Variants in PDLIM5 observed in about 807,000 individuals in gnomAD.
PDLIM5 encodes the protein PDZ and LIM domain 5, also known as PDZ and LIM domain protein 5.
Under a neutral mutation model 64.2 loss-of-function variants are expected in PDLIM5, and 34 were observed. The ratio of observed to expected loss-of-function variants is 0.53; its 90% CI spans 0.40 to 0.71. The LOEUF (loss-of-function observed/expected upper bound fraction) is 0.71. PDLIM5 is among the 30% of genes least tolerant of loss of function. The pLI is 0.00. For synonymous variants in PDLIM5, 253 were observed against 269.1 expected, an observed-to-expected ratio of 0.94 and a Z score of 0.59; for missense variants, 683 against 733.6, an observed-to-expected ratio of 0.93 and a Z score of 0.80.
intron 3 of PDLIM5, among the ~76,000 whole-genome samples, chr4:94,527,643 A>G (rs1730494810): frequency 6.6e-6 from 1 of 152,218 alleles, no homozygotes; most frequent in African/African-American, 2.4e-5. Flanking sequence ...GAAGCAGAAG[A>G]AACTGAGATG....
chr4:94,663,121 G>T (rs917975864), intron 12 of PDLIM5, among the ~76,000 whole-genome samples: 1 of 152,154 alleles, frequency 6.6e-6, no homozygotes, highest in Admixed American at 6.5e-5. Flanking sequence ...GTTTTTAAAT[G>T]TAGGAAGTAA....
At chr4:94,642,405 C>A (rs1055108886) in intron 9 of PDLIM5, among the ~76,000 whole-genome samples, 5 of 152,184 alleles carry the variant, frequency 3.3e-5, no homozygotes, top group African/African-American at 1.2e-4. Flanking sequence ...CATTTCACCA[C>A]CCCTACCTGC....
At chr4:94,644,338 T>C (rs1741233685) in intron 9 of PDLIM5, among the ~76,000 whole-genome samples, 1 of 152,172 alleles carries the variant, frequency 6.6e-6, no homozygotes, top group South Asian at 2.1e-4. Context: ...TAATTTTTAT[T>C]CATGCTTTTA....
At chr4:94,531,000 G>A (rs938421133) in intron 3 of PDLIM5, among the ~76,000 whole-genome samples, 4 of 152,078 alleles carry the variant, frequency 2.6e-5, no homozygotes, top group African/African-American at 9.7e-5. Context: ...TTCAATCGAA[G>A]TTTTCAGTTC....
rs779320809 is a variant in PDLIM5, at chr4:94,585,699, C to G, written c.845C>G (p.Ser282Cys). 1 of 1,613,934 alleles carries G rather than the reference C, an allele frequency of 6.2e-7. No homozygotes were observed. Among genetic ancestry groups the G allele is most frequent in the South Asian group, 1.1e-5 (1 of 91,064 alleles). ...RPRTGTTQSR[S>C]FRILAQITGT... is the part of the protein sequence containing the mutation. The stretch of plus-strand genomic sequence containing the variant: ...AGGACTGGAACAACTCAGTCTCGCT[C>G]TTTCCGAATCCTTGCCCAGATCACT... Residue 282 changes from serine to cysteine, a missense_variant, in exon 6 of 13, where the codon TCT becomes TGT. By Grantham distance (112) the Ser-to-Cys change is moderately radical. Coordinates refer to ENST00000317968, the MANE Select transcript of PDLIM5 (RefSeq NM_006457.5).
At chr4:94,622,521 A>T (rs554629401) in intron 8 of PDLIM5, among the ~76,000 whole-genome samples, 1 of 152,202 alleles carries the variant, frequency 6.6e-6, no homozygotes, top group African/African-American at 2.4e-5. Flanking sequence ...CCCGTTGTTC[A>T]TTGAGCCAGT....
At chr4:94,572,630 A>T (rs756030290) in intron 3 of PDLIM5, among the ~76,000 whole-genome samples, 8 of 152,238 alleles carry the variant, frequency 5.3e-5, no homozygotes, top group Non-Finnish European at 1.0e-4. Flanking sequence ...TAGTCAAGTT[A>T]TATACATGGA....
At chr4:94,617,718 T>C (rs1021626988) in intron 7 of PDLIM5, among the ~76,000 whole-genome samples, 5 of 152,028 alleles carry the variant, frequency 3.3e-5, no homozygotes, top group Non-Finnish European at 7.4e-5. Context: ...GGGAGACTTT[T>C]ATCATTTAAA....
At chr4:94,644,132 A>C (rs1392309870) in intron 9 of PDLIM5, among the ~76,000 whole-genome samples, 1 of 152,226 alleles carries the variant, frequency 6.6e-6, no homozygotes, top group Non-Finnish European at 1.5e-5. Flanking sequence ...GTTAAAGTTA[A>C]ATGTGTTTTT....
intron 3 of PDLIM5, among the ~76,000 whole-genome samples, chr4:94,530,510 AATATATATATATATATATATATAT>A (rs36209951): frequency 6.4e-5 from 9 of 140,554 alleles, no homozygotes; most frequent in Admixed American, 2.8e-4. Flanking sequence ...GGAATCACAG[AATATATATATATATATATATATAT>A]ATATATATAT....
At chr4:94,460,302 A>T (rs1219071820) in intron 2 of PDLIM5, among the ~76,000 whole-genome samples, 1 of 152,188 alleles carries the variant, frequency 6.6e-6, no homozygotes, top group African/African-American at 2.4e-5. Flanking sequence ...AAGAAATGAA[A>T]ATCTTATATT....
At chr4:94,510,898 GAAATAA>G (rs1728811342) in intron 2 of PDLIM5, among the ~76,000 whole-genome samples, 1 of 151,984 alleles carries the variant, frequency 6.6e-6, no homozygotes, top group Non-Finnish European at 1.5e-5. Context: ...ATAAAATAAG[GAAATAA>G]AAATAATACG....
rs546237182 is a variant in PDLIM5, at chr4:94,547,597, A to G, written c.248+23722A>G. 9.9e-5 allele frequency among the ~76,000 whole-genome samples: 15 copies of G among 152,278 alleles called. No homozygotes were observed. The South Asian group carries it at 3.1e-3, about 32-fold the overall frequency. Reference sequence around the variant, plus strand: ...TTCTGCATGTTAATGTAACATATTCATAGGTTCTGGGGATTAGGACAGGGA... The same window carrying G: ...TTCTGCATGTTAATGTAACATATTCGTAGGTTCTGGGGATTAGGACAGGGA... On this transcript the variant is annotated intron_variant, in intron 3 of 12. Transcript: ENST00000317968.
intron 2 of PDLIM5, among the ~76,000 whole-genome samples, chr4:94,488,648 A>G (rs1046449908): frequency 6.6e-6 from 1 of 152,302 alleles, no homozygotes; most frequent in Non-Finnish European, 1.5e-5. Context: ...GAAAACACAT[A>G]TCCATAAAAA....
intron 2 of PDLIM5, among the ~76,000 whole-genome samples, chr4:94,465,747 G>T (rs1447020469): frequency 6.6e-6 from 1 of 152,106 alleles, no homozygotes; most frequent in African/African-American, 2.4e-5. Flanking sequence ...AAACTGAGGG[G>T]CAGAGAGGTT....
intron 5 of PDLIM5, chr4:94,584,878 C>A: frequency 1.4e-6 from 1 of 714,930 alleles, no homozygotes; most frequent in African/African-American, 1.8e-5. Context: ...ATTTTGACTA[C>A]TATGGACTTT....
At chr4:94,588,486 C>G (rs28533860) in intron 7 of PDLIM5, among the ~76,000 whole-genome samples, 10,541 of 151,974 alleles carry the variant, frequency 0.069, 419 homozygotes, top group South Asian at 0.12. Context: ...TCGCTTGAAC[C>G]CGGGAGGCGA....
intron 2 of PDLIM5, among the ~76,000 whole-genome samples, chr4:94,483,359 A>G (rs1190993741): frequency 2.0e-5 from 3 of 152,204 alleles, no homozygotes; most frequent in African/African-American, 7.2e-5. Flanking sequence ...CAATGTACCC[A>G]TCACTGAGGT....
chr4:94,655,992 C>T (rs188826147), intron 10 of PDLIM5, among the ~76,000 whole-genome samples: 65 of 152,232 alleles, frequency 4.3e-4, no homozygotes, highest in Non-Finnish European at 5.0e-4. Flanking sequence ...TTCCCATTGT[C>T]CTTCAGTAGT....
Sources: gnomAD v4.1 joint callset for allele counts (sites outside exome capture counted in the v4.1 genomes callset) on GRCh38, gnomAD v4.1.1 for gene constraint, MANE v1.5 for transcripts, NCBI Gene and HGNC (gene_info 2026-07-23, HGNC 2026-07-21) for gene names.